Variants in LIPA observed in about 807,000 individuals in gnomAD.
LIPA encodes lysosomal acid lipase/cholesteryl ester hydrolase.
Under a neutral mutation model 40.6 loss-of-function variants are expected in LIPA, and 26 were observed. The ratio of observed to expected loss-of-function variants is 0.64; its 90% CI spans 0.47 to 0.89. The LOEUF is 0.89. Among genes scored for constraint, LIPA ranks in the 40% least tolerant of loss-of-function variants. The pLI is 0.00. For missense variants in LIPA, 455 were observed against 479.6 expected (o/e 0.95, Z 0.48); for synonymous variants, 188 against 168.4 (o/e 1.12, Z -0.90).
At chr10:89,306,276 T>A in intron 1 of LIPA, 1 of 1,614,142 alleles carries the variant, frequency 6.2e-7, no homozygotes, top group Non-Finnish European at 8.5e-7. Flanking sequence ...TACTATCACA[T>A]GGGCCGACTC....
intron 2 of LIPA, chr10:89,383,237 T>C: frequency 8.2e-7 from 1 of 1,218,922 alleles, no homozygotes; most frequent in Non-Finnish European, 1.2e-6. Context: ...TAGAGCATAT[T>C]TGACTATTTG....
chr10:89,227,006 T>C lies in LIPA; in HGVS notation c.429-2A>G. On this transcript the variant is annotated splice_acceptor_variant, in intron 4 of 9. Transcript: ENST00000336233. LOFTEE classifies it high-confidence loss of function. ...TCATATTTTGCCATCTCATCATAAC[T>C]GTAATCCAAGAAAGGAACTCTTTCA... is the stretch of plus-strand genomic sequence containing the variant. The C allele has an allele frequency of 6.4e-7, 1 of 1,554,388 alleles. No individual in the cohort carries two copies. The highest frequency in any genetic ancestry group is 2.2e-5 in the East Asian group (1 of 44,618).
chr10:89,319,671 C>A (rs181897718), intron 1 of LIPA, among the ~76,000 whole-genome samples: 34 of 152,284 alleles, frequency 2.2e-4, no homozygotes, highest in Non-Finnish European at 1.5e-5. Context: ...GAAACTATTC[C>A]AATCAATAGA....
chr10:89,216,151 T>C, intron 8 of LIPA, 142 bp from the exon 9 acceptor site: 1 of 691,100 alleles, frequency 1.4e-6, no homozygotes, highest in South Asian at 1.6e-5. Flanking sequence ...GGCATTATTT[T>C]AAATGAGATG....
upstream of LIPA, among the ~76,000 whole-genome samples, chr10:89,255,128 A>T (rs977251450): frequency 2.0e-5 from 3 of 152,148 alleles, no homozygotes; most frequent in African/African-American, 7.2e-5. Context: ...TATCTTTACA[A>T]TAGCACCCCA....
rs142531389 is a variant in LIPA, at chr10:89,383,947, C to T, written c.61+28844G>A. The T allele has an allele frequency of 3.7e-6, 6 of 1,614,154 alleles. No individual in the cohort carries two copies. In the East Asian group the frequency reaches 1.3e-4, roughly 36 times the overall value. ...GCACGTCCTAAAACGAGCTGTCAGGCTAAATCCAGATGATGTATATATTAG... is the reference window on the plus strand; with the variant it reads ...GCACGTCCTAAAACGAGCTGTCAGGTTAAATCCAGATGATGTATATATTAG... On this transcript the variant is annotated intron_variant, in intron 2 of 8. Transcript: ENST00000371837.
chr10:89,367,866 T>C (rs1472478120), intron 2 of LIPA, among the ~76,000 whole-genome samples: 1 of 152,212 alleles, frequency 6.6e-6, no homozygotes, highest in Non-Finnish European at 1.5e-5. Context: ...TCACCAAAGC[T>C]GGACTGCAGT....
intron 2 of LIPA, among the ~76,000 whole-genome samples, chr10:89,369,794 T>C (rs79424823): frequency 0.011 from 1,670 of 152,340 alleles, 42 homozygotes; most frequent in East Asian, 0.092. Context: ...AAAAGGAGAT[T>C]CATCAGTATA....
intron 2 of LIPA, chr10:89,378,230 C>A: frequency 7.6e-7 from 1 of 1,314,200 alleles, no homozygotes; most frequent in Admixed American, 1.7e-5. Context: ...GACAGGCCTT[C>A]TCCTAAGGGA....
chr10:89,372,554 G>A (rs974234428), intron 2 of LIPA, among the ~76,000 whole-genome samples: 2 of 152,220 alleles, frequency 1.3e-5, no homozygotes, highest in African/African-American at 4.8e-5. Context: ...TTGAGAAGAG[G>A]AAACATGCCC....
chr10:89,213,902 T>C lies in LIPA; in HGVS notation c.*926A>G, dbSNP rs1207147276. On this transcript the variant is annotated 3_prime_UTR_variant, in exon 10 of 10. Coordinates refer to ENST00000336233, the MANE Select transcript of LIPA (RefSeq NM_000235.4). ...CCGAAAACATCACGTTCACACTTCA[T>C]TTGGGTGAAAATGAACAAGGACACT... 1 of 152,182 alleles carries C rather than the reference T, an allele frequency of 6.6e-6. No homozygotes were observed. The highest frequency in any genetic ancestry group is 2.4e-5 in the African/African-American group (1 of 41,446). The allele number at this position is 152,182 out of a possible 1,614,324, so 9.4% of individuals were successfully genotyped here. A position where few individuals can be genotyped will look rare whatever the true frequency, so the allele number is the denominator to read the frequency against.
intron 2 of LIPA, chr10:89,383,623 G>A (rs1044048087): frequency 6.2e-7 from 1 of 1,614,218 alleles, no homozygotes; most frequent in Non-Finnish European, 8.5e-7. Context: ...CTTTGCCTGG[G>A]TGTATTACCA....
At chr10:89,341,631 C>T (rs953071009) in intron 1 of LIPA, among the ~76,000 whole-genome samples, 2 of 152,160 alleles carry the variant, frequency 1.3e-5, no homozygotes, top group Middle Eastern at 3.4e-3. Context: ...GAAATGATTC[C>T]CTAGCTGATT....
chr10:89,227,775 A>G (rs531935427), intron 4 of LIPA, among the ~76,000 whole-genome samples: 2 of 152,358 alleles, frequency 1.3e-5, no homozygotes, highest in South Asian at 2.1e-4. Flanking sequence ...AAGGAAACCG[A>G]GACACAGGAG....
intron 2 of LIPA, among the ~76,000 whole-genome samples, chr10:89,352,166 A>G (rs1220338165): frequency 6.6e-6 from 1 of 152,186 alleles, no homozygotes; most frequent in Non-Finnish European, 1.5e-5. Context: ...ATCTGAAGCC[A>G]CTGCTCGACT....
intron 1 of LIPA, among the ~76,000 whole-genome samples, chr10:89,299,445 T>C (rs1401565958): frequency 6.6e-6 from 1 of 152,188 alleles, no homozygotes; most frequent in East Asian, 1.9e-4. Context: ...AATGAAATAA[T>C]AGATGAGAAC....
intron 1 of LIPA, chr10:89,307,526 G>A (rs1047943566): frequency 2.5e-5 from 16 of 642,238 alleles, no homozygotes; most frequent in African/African-American, 9.1e-5. Flanking sequence ...GTTAACACCT[G>A]AATTGCTGGG....
chr10:89,228,845 G>A (rs746129129), intron 3 of LIPA, among the ~76,000 whole-genome samples: 8 of 152,158 alleles, frequency 5.3e-5, no homozygotes, highest in African/African-American at 1.7e-4. Flanking sequence ...ATCCAAAAAC[G>A]CTGAAAACAC....
intron 1 of LIPA, chr10:89,308,574 T>C (rs1336262138): frequency 6.6e-6 from 1 of 152,196 alleles, no homozygotes; most frequent in Non-Finnish European, 1.5e-5. Flanking sequence ...CTTGGAACGA[T>C]TGAGATTTTC....
Sources: allele counts gnomAD v4.1 joint callset (sites outside exome capture counted in the v4.1 genomes callset), GRCh38; gene constraint gnomAD v4.1.1; transcripts MANE v1.5; gene names NCBI Gene and HGNC (gene_info 2026-07-23, HGNC 2026-07-21).